ZNF33A: variants seen among roughly 807,000 people sequenced by gnomAD.
The protein encoded by ZNF33A is brain my041 protein.
In ZNF33A, 9 loss-of-function variants were observed where a neutral mutation model predicts 15.9. The ratio of observed to expected loss-of-function variants is 0.57; its 90% CI spans 0.34 to 0.99. ZNF33A has a LOEUF of 0.99. Ranked by LOEUF, ZNF33A falls within the 50% of genes least tolerant of loss-of-function variation. The probability of loss-of-function intolerance (pLI) is 0.02; values close to 1 mark genes in which losing one functional copy is unlikely to be tolerated. For missense variants in ZNF33A, 843 were observed against 941.6 expected (o/e 0.90, Z 1.37); for synonymous variants, 294 against 324.2 (o/e 0.91, Z 1.00).
chr10:38,045,448 C>T lies in ZNF33A; in HGVS notation c.251-8927C>T, dbSNP rs577897571. ...TATTGTTTTCAACACTGTCCTGGAC[C>T]ATATGTTGCTCTTAGTTTGCTCTTG... On this transcript the variant is annotated intron_variant, in intron 4 of 4. Coordinates refer to ENST00000432900, the MANE Select transcript of ZNF33A (RefSeq NM_006954.2). Among the ~76,000 whole-genome samples, 5 of 152,260 alleles carry T rather than the reference C, an allele frequency of 3.3e-5. No individual in the cohort carries two copies. The South Asian group carries it at 1.0e-3, about 32-fold the overall frequency.
At chr10:38,048,197 G>C (rs1250617438) in intron 4 of ZNF33A, among the ~76,000 whole-genome samples, 1 of 152,048 alleles carries the variant, frequency 6.6e-6, no homozygotes, top group Non-Finnish European at 1.5e-5. Flanking sequence ...TCTACCTAGG[G>C]GGATGAAGGA....
chr10:38,034,106 T>A (rs1246665702), intron 4 of ZNF33A, among the ~76,000 whole-genome samples: 1 of 152,180 alleles, frequency 6.6e-6, no homozygotes, highest in Non-Finnish European at 1.5e-5. Context: ...ATAGAAAAAT[T>A]GGGGAGATAG....
chr10:38,010,967 T>TGTACGGAGCAGG lies in ZNF33A; in HGVS notation c.-45+190_-45+201dup, dbSNP rs1434307337. Among the ~76,000 whole-genome samples the TGTACGGAGCAGG allele has an allele frequency of 3.3e-5, 5 of 152,198 alleles. No individual in the cohort carries two copies. In the East Asian group the frequency reaches 9.7e-4, roughly 29 times the overall value. ...GCCGGTTCCTCAAAGGCGCGGCCTC[T>TGTACGGAGCAGG]GTACGGAGCAGGGTACGCAGCGTGT... On this transcript the variant is annotated intron_variant, in intron 1 of 4. Transcript: ENST00000432900.
chr10:38,018,199 A>G (rs1224559991), intron 4 of ZNF33A, among the ~76,000 whole-genome samples: 1 of 152,260 alleles, frequency 6.6e-6, no homozygotes, highest in Non-Finnish European at 1.5e-5. Flanking sequence ...AAGACTATGA[A>G]AGAAATTAAA....
At chr10:38,063,547 G>T (rs890030853), downstream of ZNF33A, among the ~76,000 whole-genome samples, 1 of 152,118 alleles carries the variant, frequency 6.6e-6, no homozygotes, top group Non-Finnish European at 1.5e-5. Context: ...GCATTTCCTT[G>T]TCATGTTCTC....
chr10:38,011,850 C>T (rs1169615044), intron 1 of ZNF33A, among the ~76,000 whole-genome samples: 2 of 152,192 alleles, frequency 1.3e-5, no homozygotes. Context: ...TTATGGCTTT[C>T]TGTGGAGTCA....
chr10:38,040,199 CTG>C (rs1331144459), intron 4 of ZNF33A, among the ~76,000 whole-genome samples: 1 of 151,818 alleles, frequency 6.6e-6, no homozygotes, highest in African/African-American at 2.4e-5. Flanking sequence ...GTAATTTCGA[CTG>C]TGGTCAGAGA....
At chr10:38,020,368 T>A (rs2064680869) in intron 4 of ZNF33A, among the ~76,000 whole-genome samples, 1 of 152,168 alleles carries the variant, frequency 6.6e-6, no homozygotes, top group South Asian at 2.1e-4. Context: ...CCAGTTATAC[T>A]CTTTTAGTCA....
intron 4 of ZNF33A, among the ~76,000 whole-genome samples, chr10:38,026,815 A>G (rs1030411248): frequency 6.6e-6 from 1 of 152,152 alleles, no homozygotes; most frequent in African/African-American, 2.4e-5. Context: ...ATTTGTCATC[A>G]TTCCAAACAG....
chr10:38,016,029 C>G (rs748802586), intron 2 of ZNF33A: 2 of 1,230,858 alleles, frequency 1.6e-6, no homozygotes, highest in Non-Finnish European at 2.0e-6. Context: ...ATGTCTTCTC[C>G]GCTGTACTCC....
chr10:38,026,049 A>C (rs2064972549), intron 4 of ZNF33A, among the ~76,000 whole-genome samples: 1 of 152,098 alleles, frequency 6.6e-6, no homozygotes, highest in Non-Finnish European at 1.5e-5. Context: ...TGTCTGCCTT[A>C]TTTCACTTAG....
At chr10:38,011,281 T>G (rs1037000210) in intron 1 of ZNF33A, among the ~76,000 whole-genome samples, 2 of 152,218 alleles carry the variant, frequency 1.3e-5, no homozygotes, top group Non-Finnish European at 2.9e-5. Flanking sequence ...TCAGGAAAGA[T>G]CTTCAAGAAT....
chr10:38,057,505 A>T lies in ZNF33A; in HGVS notation c.*945A>T. 1.0e-6 allele frequency: 1 copy of T among 985,460 alleles called. No homozygotes were observed. Among genetic ancestry groups the T allele is most frequent in the South Asian group, 4.7e-5 (1 of 21,292 alleles). The allele number at this position is 985,460 out of a possible 1,614,324, so 61.0% of individuals were successfully genotyped here. On this transcript the variant is annotated 3_prime_UTR_variant, in exon 5 of 5. Transcript: ENST00000432900. ...ACGTAATTGTGAATAGGAAGTAGGTATCCTAGTTTAGTAGTGGTTACATTA... is the reference window on the plus strand; with the variant it reads ...ACGTAATTGTGAATAGGAAGTAGGTTTCCTAGTTTAGTAGTGGTTACATTA...
rs144602292 is a variant in ZNF33A, at chr10:38,036,297, C to T, written c.251-18078C>T. On this transcript the variant is annotated intron_variant, in intron 4 of 4. Coordinates refer to ENST00000432900, the MANE Select transcript of ZNF33A (RefSeq NM_006954.2). The stretch of plus-strand genomic sequence containing the variant: ...TACTAAAAATACTAAATAAGCTGGG[C>T]GTGGTGGAATGCGCCTGTAATCCCA... Among the ~76,000 whole-genome samples, 12 of 152,052 alleles carry T rather than the reference C, an allele frequency of 7.9e-5. No homozygotes were observed. The East Asian group carries it at 2.1e-3, about 27-fold the overall frequency.
rs540058492 is a variant in ZNF33A at position 38,016,075 on chromosome 10, C to T, written c.10-796C>T. 3.4e-5 allele frequency: 38 copies of T among 1,121,582 alleles called. No homozygotes were observed. In the South Asian group the frequency reaches 1.4e-3, roughly 43 times the overall value. 69.5% of individuals were successfully genotyped at this position (1,121,582 alleles called of 1,614,324 possible). A position where few individuals can be genotyped will look rare whatever the true frequency, so the allele number is the denominator to read the frequency against. ...CAAATATAATGGTTCCAAAATCTTTCCATTTTCTACACATCCTTATTATTG... is the reference window on the plus strand; with the variant it reads ...CAAATATAATGGTTCCAAAATCTTTTCATTTTCTACACATCCTTATTATTG... On this transcript the variant is annotated intron_variant, in intron 2 of 4. Coordinates refer to ENST00000432900, the MANE Select transcript of ZNF33A (RefSeq NM_006954.2).
Position 38,050,594 on chromosome 10 carries a change from TG to T in ZNF33A, c.251-3780del, listed in dbSNP as rs2066158918. Among the ~76,000 whole-genome samples the T allele has an allele frequency of 2.0e-5, 3 of 152,184 alleles. 1 individual carries two copies. The South Asian group carries it at 6.2e-4, about 31-fold the overall frequency. The stretch of plus-strand genomic sequence containing the variant: ...ACTGCCCTACTAAGCTGTTGGTCTG[TG>T]TAGTATGGCCTGGGAGTGTCCTGGA... On this transcript the variant is annotated intron_variant, in intron 4 of 4. Transcript: ENST00000432900.
In ZNF33A at chr10:38,057,110, C is replaced by G; in HGVS notation, c.*550C>G. On this transcript the variant is annotated 3_prime_UTR_variant, in exon 5 of 5. Coordinates refer to ENST00000432900, the MANE Select transcript of ZNF33A (RefSeq NM_006954.2). The stretch of plus-strand genomic sequence containing the variant: ...CAGATTTTACTATGGTTTGCATGCA[C>G]TCTGTGTGTGTGTGTACGTGTATGT... The G allele has an allele frequency of 2.8e-6, 2 of 711,472 alleles. No homozygotes were observed. The highest frequency in any genetic ancestry group is 3.5e-6 in the Non-Finnish European group (2 of 579,102). The allele number at this position is 711,472 out of a possible 1,614,324, so 44.1% of individuals were successfully genotyped here. A position where few individuals can be genotyped will look rare whatever the true frequency, so the allele number is the denominator to read the frequency against.
At chr10:38,017,163 C>T in intron 3 of ZNF33A, 128 bp from the exon 4 acceptor site, 1 of 1,369,386 alleles carries the variant, frequency 7.3e-7, no homozygotes, top group Admixed American at 2.3e-5. Context: ...CCAGAAGATA[C>T]TTGTGTTCAC....
chr10:38,011,793 G>A (rs1044612560), intron 1 of ZNF33A, among the ~76,000 whole-genome samples: 2 of 152,130 alleles, frequency 1.3e-5, no homozygotes, highest in African/African-American at 4.8e-5. Context: ...TAGCAACAAA[G>A]TTAGATGAAG....
Sources: gnomAD v4.1 joint callset for allele counts (sites outside exome capture counted in the v4.1 genomes callset) on GRCh38, gnomAD v4.1.1 for gene constraint, MANE v1.5 for transcripts, NCBI Gene and HGNC (gene_info 2026-07-23, HGNC 2026-07-21) for gene names.